HS3ST5: variants seen among roughly 807,000 people sequenced by gnomAD.
HS3ST5 encodes heparan sulfate-glucosamine 3-sulfotransferase 5.
HS3ST5 carries 10 observed loss-of-function variants against 25.4 expected under a neutral mutation model. That is an observed-to-expected ratio of 0.39 (90% CI 0.24 to 0.67). The LOEUF (loss-of-function observed/expected upper bound fraction) is 0.67, where lower values mean the gene tolerates loss of function less well. HS3ST5 is among the 30% of genes least tolerant of loss of function. The pLI is 0.44. For missense variants in HS3ST5, 324 were observed against 420.7 expected (o/e 0.77, Z 2.01); for synonymous variants, 170 against 162.4 (o/e 1.05, Z -0.36).
At chr6:114,068,117 T>C (rs1773574242) in intron 3 of HS3ST5, among the ~76,000 whole-genome samples, 1 of 152,204 alleles carries the variant, frequency 6.6e-6, no homozygotes, top group Non-Finnish European at 1.5e-5. Flanking sequence ...TACGGAATTA[T>C]GAAAAATAGT....
intron 2 of HS3ST5, among the ~76,000 whole-genome samples, chr6:114,197,702 C>G (rs1780828613): frequency 6.6e-6 from 1 of 152,090 alleles, no homozygotes; most frequent in South Asian, 2.1e-4. Flanking sequence ...CAAGATTTAG[C>G]TTCCACTTAT....
At chr6:114,066,413 G>T (rs1562181910) in intron 3 of HS3ST5, among the ~76,000 whole-genome samples, 1 of 152,154 alleles carries the variant, frequency 6.6e-6, no homozygotes, top group Non-Finnish European at 1.5e-5. Flanking sequence ...TCAGCAGTTT[G>T]GGAGTCCAAG....
chr6:114,065,936 C>T (rs1773421821), intron 3 of HS3ST5, among the ~76,000 whole-genome samples: 1 of 152,188 alleles, frequency 6.6e-6, no homozygotes, highest in South Asian at 2.1e-4. Flanking sequence ...TTCACCAGCT[C>T]CTTGGTCCAC....
intron 1 of HS3ST5, among the ~76,000 whole-genome samples, chr6:114,314,634 CT>C (rs1463405637): frequency 2.6e-5 from 4 of 152,120 alleles, no homozygotes; most frequent in East Asian, 1.9e-4. Flanking sequence ...TGTGTATGCT[CT>C]TTTTTTCCTC....
chr6:114,285,879 C>T (rs554424462), intron 1 of HS3ST5, among the ~76,000 whole-genome samples: 15 of 151,758 alleles, frequency 9.9e-5, no homozygotes, highest in African/African-American at 1.5e-4. Context: ...ATGAAGCCAT[C>T]GCAAATAGTG....
intron 1 of HS3ST5, among the ~76,000 whole-genome samples, chr6:114,290,099 G>A (rs553037145): frequency 1.3e-5 from 2 of 152,238 alleles, no homozygotes; most frequent in African/African-American, 4.8e-5. Context: ...CCATACTTAT[G>A]TACTATCTTA....
At chr6:114,097,431 A>G (rs188873382) in intron 3 of HS3ST5, among the ~76,000 whole-genome samples, 2 of 152,090 alleles carry the variant, frequency 1.3e-5, no homozygotes, top group East Asian at 1.9e-4. Context: ...AAACAAAAGC[A>G]TTATTACCAG....
intron 1 of HS3ST5, among the ~76,000 whole-genome samples, chr6:114,320,931 T>C (rs2349217): frequency 0.073 from 8,287 of 113,530 alleles, 402 homozygotes; most frequent in African/African-American, 0.18. Context: ...TATATATATA[T>C]ACATATATAA....
At chr6:114,306,013 A>G (rs911118563) in intron 1 of HS3ST5, among the ~76,000 whole-genome samples, 3 of 152,080 alleles carry the variant, frequency 2.0e-5, no homozygotes, top group Non-Finnish European at 4.4e-5. Flanking sequence ...TTAAGTTCAG[A>G]AAGTCCAAAG....
At chr6:114,286,845 GA>G (rs1774363035) in intron 1 of HS3ST5, among the ~76,000 whole-genome samples, 1 of 151,724 alleles carries the variant, frequency 6.6e-6, no homozygotes. Flanking sequence ...AATATTTTAA[GA>G]AAAAAACAAC....
intron 3 of HS3ST5, among the ~76,000 whole-genome samples, chr6:114,148,268 A>G (rs369690886): frequency 1.3e-5 from 2 of 152,202 alleles, no homozygotes; most frequent in Non-Finnish European, 2.9e-5. Flanking sequence ...CTTACACCTT[A>G]TACAAAAATT....
intron 1 of HS3ST5, among the ~76,000 whole-genome samples, chr6:114,315,471 A>G (rs912140577): frequency 2.2e-4 from 34 of 152,338 alleles, no homozygotes; most frequent in African/African-American, 8.2e-4. Flanking sequence ...GCAAACAATC[A>G]TAGAGCTTAA....
At chr6:114,291,420 A>T (rs1774573032) in intron 1 of HS3ST5, among the ~76,000 whole-genome samples, 1 of 151,942 alleles carries the variant, frequency 6.6e-6, no homozygotes, top group South Asian at 2.1e-4. Context: ...AGAATAGGGA[A>T]GAAAGTCAAG....
In HS3ST5 at chr6:114,056,009, CAG is replaced by C. The variant is rs990899390; in HGVS notation, c.*1246_*1247del. ...AGCAAATTGATATATTTTCAACTAA[CAG>C]GGAGAGTTGTGAGATCTTGTTTTCA... is the stretch of plus-strand genomic sequence containing the variant. On this transcript the variant is annotated 3_prime_UTR_variant, in exon 5 of 5. Coordinates refer to ENST00000312719, the MANE Select transcript of HS3ST5 (RefSeq NM_153612.4). The C allele has an allele frequency of 5.9e-5, 9 of 152,274 alleles. No individual in the cohort carries two copies. The highest frequency in any genetic ancestry group is 1.7e-4 in the African/African-American group (7 of 41,556). 9.4% of individuals were successfully genotyped at this position (152,274 alleles called of 1,614,324 possible). A position where few individuals can be genotyped will look rare whatever the true frequency, so the allele number is the denominator to read the frequency against.
intron 2 of HS3ST5, among the ~76,000 whole-genome samples, chr6:114,184,054 C>CTT (rs34370810): frequency 0.013 from 1,006 of 78,794 alleles, 115 homozygotes; most frequent in South Asian, 0.022. Context: ...TTTTTCCTTT[C>CTT]TTTTTTTTTT....
intron 2 of HS3ST5, among the ~76,000 whole-genome samples, chr6:114,213,365 G>A (rs1042906200): frequency 6.6e-6 from 1 of 151,286 alleles, no homozygotes; most frequent in African/African-American, 2.4e-5. Flanking sequence ...GGGCAGGGCA[G>A]GCAAAGCTAG....
chr6:114,154,174 A>G (rs902220753), intron 3 of HS3ST5, among the ~76,000 whole-genome samples: 2 of 152,184 alleles, frequency 1.3e-5, no homozygotes, highest in African/African-American at 4.8e-5. Context: ...TTATGTCTGG[A>G]ATGGTTCATT....
At chr6:114,314,813 T>G (rs893491489) in intron 1 of HS3ST5, among the ~76,000 whole-genome samples, 3 of 152,218 alleles carry the variant, frequency 2.0e-5, no homozygotes, top group Admixed American at 6.5e-5. Flanking sequence ...ACAACTTCAT[T>G]TTTTATTTAT....
intron 1 of HS3ST5, among the ~76,000 whole-genome samples, chr6:114,326,863 A>G (rs961950509): frequency 1.3e-5 from 2 of 152,198 alleles, no homozygotes; most frequent in African/African-American, 4.8e-5. Flanking sequence ...CACAAAATAA[A>G]AATAAACCTC....
Sources: gnomAD v4.1 joint callset for allele counts (sites outside exome capture counted in the v4.1 genomes callset) on GRCh38, gnomAD v4.1.1 for gene constraint, MANE v1.5 for transcripts, NCBI Gene and HGNC (gene_info 2026-07-23, HGNC 2026-07-21) for gene names.